The following ARHGEF7 variants were observed in gnomAD, a reference collection of about 807,000 sequenced individuals.
ARHGEF7 encodes the protein PAK-interacting exchange factor beta.
In ARHGEF7, 33 loss-of-function variants were observed where a neutral mutation model predicts 109.8. That is an observed-to-expected ratio of 0.30 (90% CI 0.23 to 0.40). The LOEUF (loss-of-function observed/expected upper bound fraction) is 0.40. Ranked by LOEUF, ARHGEF7 falls within the 10% of genes least tolerant of loss-of-function variation. The probability of loss-of-function intolerance (pLI) is 1.00; values close to 1 mark genes in which losing one functional copy is unlikely to be tolerated. For synonymous variants in ARHGEF7, 458 were observed against 424.6 expected, an observed-to-expected ratio of 1.08 and a Z score of -0.97; for missense variants, 938 against 1,098.5, an observed-to-expected ratio of 0.85 and a Z score of 2.07.
intron 17 of ARHGEF7, among the ~76,000 whole-genome samples, chr13:111,287,451 G>C (rs75808798): frequency 2.0e-5 from 3 of 152,230 alleles, no homozygotes; most frequent in South Asian, 2.1e-4. Context: ...CAGCACCTTC[G>C]TGGGCTGGGT....
chr13:111,248,372 G>T (rs555795091), intron 8 of ARHGEF7, among the ~76,000 whole-genome samples: 1 of 152,088 alleles, frequency 6.6e-6, no homozygotes, highest in South Asian at 2.1e-4. Context: ...TGATTATCTC[G>T]GGTGTGGTTT....
intron 8 of ARHGEF7, chr13:111,265,465 T>C: frequency 2.4e-6 from 1 of 412,156 alleles, no homozygotes; most frequent in Non-Finnish European, 4.9e-6. Flanking sequence ...CTGATTCTCC[T>C]GACTATGACT....
At position 111,201,969 on chromosome 13, in the gene ARHGEF7, A is replaced by G. The variant is rs766875800; in HGVS notation, c.253-3320A>G. Among the ~76,000 whole-genome samples, 5 of 152,186 alleles carry G rather than the reference A, an allele frequency of 3.3e-5. No homozygotes were observed. In the East Asian group the frequency reaches 7.7e-4, roughly 23 times the overall value. The stretch of plus-strand genomic sequence containing the variant: ...TATTGTATTTGATTATGTAGTTTCT[A>G]TTGAGAGCAAAATACCAAAAATAAG... On this transcript the variant is annotated intron_variant, in intron 2 of 21. Transcript: ENST00000646102.
At chr13:111,139,752 T>C (rs1364242602) in intron 1 of ARHGEF7, among the ~76,000 whole-genome samples, 1 of 152,244 alleles carries the variant, frequency 6.6e-6, no homozygotes, top group Admixed American at 6.5e-5. Context: ...GAGCTTGCTC[T>C]GGACAGCACT....
At chr13:111,246,364 T>C (rs2088847158) in intron 8 of ARHGEF7, among the ~76,000 whole-genome samples, 1 of 152,222 alleles carries the variant, frequency 6.6e-6, no homozygotes. Context: ...CTATTTAGGT[T>C]TTGAACGTGG....
chr13:111,202,387 G>T (rs934108652), intron 2 of ARHGEF7, among the ~76,000 whole-genome samples: 6 of 152,208 alleles, frequency 3.9e-5, no homozygotes, highest in African/African-American at 1.4e-4. Flanking sequence ...AACACTGCTG[G>T]AGTATCCTGC....
chr13:111,274,558 A>G (rs1417720976), intron 10 of ARHGEF7, among the ~76,000 whole-genome samples, 173 bp from the exon 11 acceptor site: 1 of 152,186 alleles, frequency 6.6e-6, no homozygotes, highest in Non-Finnish European at 1.5e-5. Flanking sequence ...ATATTTCCCC[A>G]AAGTCTAATG....
At chr13:111,240,388 A>G (rs1304987366) in intron 6 of ARHGEF7, among the ~76,000 whole-genome samples, 1 of 152,244 alleles carries the variant, frequency 6.6e-6, no homozygotes, top group Non-Finnish European at 1.5e-5. Flanking sequence ...TTTGAGAACT[A>G]ACGTTCCGAG....
chr13:111,180,589 A>C (rs2078639545), intron 2 of ARHGEF7, among the ~76,000 whole-genome samples: 1 of 152,230 alleles, frequency 6.6e-6, no homozygotes. Flanking sequence ...TAGTGATCAC[A>C]CTACAGGAAG....
intron 5 of ARHGEF7, among the ~76,000 whole-genome samples, chr13:111,219,072 C>T (rs1028448745): frequency 1.3e-5 from 2 of 152,126 alleles, no homozygotes; most frequent in Non-Finnish European, 2.9e-5. Flanking sequence ...GTGTACTGTT[C>T]AGTAGCACTA....
At chr13:111,175,684 G>C (rs1344121350) in intron 2 of ARHGEF7, among the ~76,000 whole-genome samples, 1 of 152,256 alleles carries the variant, frequency 6.6e-6, no homozygotes, top group Non-Finnish European at 1.5e-5. Context: ...GCAGCCCTGG[G>C]AGGTGGGACT....
At position 111,243,945 on chromosome 13, in the gene ARHGEF7, G is replaced by A. The variant is rs768509936; in HGVS notation, c.833G>A (p.Arg278Gln). 2.5e-6 allele frequency: 4 copies of A among 1,612,562 alleles called. No individual in the cohort carries two copies. In the African/African-American group the frequency reaches 4.0e-5, roughly 16 times the overall value. The change falls in exon 7 of 22, where the codon CGG becomes CAG. Residue 278 changes from arginine to glutamine, a missense_variant. Around this residue, in one of 4 missense-constraint regions of ARHGEF7, gnomAD observed 585 missense variants for 723.6 expected, o/e 0.81. Coordinates refer to ENST00000646102, the MANE Select transcript of ARHGEF7 (RefSeq NM_001354046.2). ...CAGACTGTGCTTTCAACGTACCTACGGCCATTGCAGACCAGTGAGAAGTAA... is the reference window on the plus strand; with the variant it reads ...CAGACTGTGCTTTCAACGTACCTACAGCCATTGCAGACCAGTGAGAAGTAA... ...ELQTVLSTYL[R>Q]PLQTSEKLSS...
chr13:111,169,314 G>A (rs940767944), intron 2 of ARHGEF7, among the ~76,000 whole-genome samples: 2 of 152,178 alleles, frequency 1.3e-5, no homozygotes, highest in Non-Finnish European at 2.9e-5. Flanking sequence ...TGGGCTCATG[G>A]TTCCACAGGG....
intron 4 of ARHGEF7, among the ~76,000 whole-genome samples, chr13:111,214,587 C>T (rs9583587): frequency 0.13 from 20,199 of 152,180 alleles, 1,363 homozygotes; most frequent in South Asian, 0.21. Context: ...ACAGTGAACT[C>T]GGGTCACGTT....
chr13:111,243,360 C>T (rs1054092803), intron 6 of ARHGEF7, among the ~76,000 whole-genome samples: 1 of 152,220 alleles, frequency 6.6e-6, no homozygotes, highest in Non-Finnish European at 1.5e-5. Flanking sequence ...CTATGTATCA[C>T]CTTAGACATT....
chr13:111,141,703 C>T (rs887729575), intron 1 of ARHGEF7, among the ~76,000 whole-genome samples: 5 of 151,964 alleles, frequency 3.3e-5, no homozygotes, highest in African/African-American at 9.7e-5. Context: ...GATGTACCAC[C>T]GTTTTTTCTC....
chr13:111,120,296 G>A lies in ARHGEF7; in HGVS notation c.165+4605G>A, dbSNP rs567251369. On this transcript the variant is annotated intron_variant, in intron 1 of 21. Coordinates refer to ENST00000646102, the MANE Select transcript of ARHGEF7 (RefSeq NM_001354046.2). Reference sequence around the variant, plus strand: ...AGGAGTGCCTGAAGAGATTTCCTGAGAACCAGACTAGAAACTAGTGTTTAT... The same window carrying A: ...AGGAGTGCCTGAAGAGATTTCCTGAAAACCAGACTAGAAACTAGTGTTTAT... Among the ~76,000 whole-genome samples, 5 of 152,316 alleles carry A rather than the reference G, an allele frequency of 3.3e-5. No homozygotes were observed. The East Asian group carries it at 9.6e-4, about 29-fold the overall frequency.
intron 1 of ARHGEF7, among the ~76,000 whole-genome samples, chr13:111,137,580 C>T (rs2075145195): frequency 6.6e-6 from 1 of 152,100 alleles, no homozygotes; most frequent in Non-Finnish European, 1.5e-5. Context: ...AGTATTTAAG[C>T]ATGGAGGCAG....
chr13:111,266,217 G>A lies in ARHGEF7; in HGVS notation c.951-1331G>A, dbSNP rs535847466. On this transcript the variant is annotated intron_variant, in intron 8 of 21. Transcript: ENST00000646102. This position sits in a 1 kb window ranked among gnomAD's most constrained non-coding sequence, Gnocchi z 4.8. Reference sequence around the variant, plus strand: ...GCGATTTCCACCCCCGTTTCAAGGGGTGCTTCAGTGTTTCTGGGCTCTGGT... The same window carrying A: ...GCGATTTCCACCCCCGTTTCAAGGGATGCTTCAGTGTTTCTGGGCTCTGGT... 1.4e-4 allele frequency among the ~76,000 whole-genome samples: 21 copies of A among 152,024 alleles called. No individual in the cohort carries two copies. Among genetic ancestry groups the A allele is most frequent in the African/African-American group, 4.8e-4 (20 of 41,444 alleles).
Sources: allele counts gnomAD v4.1 joint callset (sites outside exome capture counted in the v4.1 genomes callset), GRCh38; gene constraint gnomAD v4.1.1; regional missense constraint gnomAD v4.1.1; non-coding constraint Gnocchi (gnomAD v3.1); transcripts MANE v1.5; gene names NCBI Gene and HGNC (gene_info 2026-07-23, HGNC 2026-07-21).